PEX14: variants seen among roughly 807,000 people sequenced by gnomAD.
PEX14 encodes peroxisomal biogenesis factor 14, also known as peroxisomal membrane protein PEX14.
PEX14 carries 15 observed loss-of-function variants against 49.5 expected under a neutral mutation model. That is an observed-to-expected ratio of 0.30 (90% CI 0.20 to 0.47). The LOEUF (loss-of-function observed/expected upper bound fraction) is 0.47. PEX14 is among the 20% of genes least tolerant of loss of function. PEX14 has a pLI of 1.00. For synonymous variants in PEX14, 210 were observed against 212.7 expected, an observed-to-expected ratio of 0.99 and a Z score of 0.11; for missense variants, 398 against 494.8, an observed-to-expected ratio of 0.80 and a Z score of 1.86.
intron 5 of PEX14, among the ~76,000 whole-genome samples, chr1:10,620,321 AAAT>A (rs927177601): frequency 2.0e-5 from 3 of 150,348 alleles, no homozygotes; most frequent in Admixed American, 2.0e-4. Context: ...AAATAAAATA[AAAT>A]AAAATAAATA....
chr1:10,630,206 CCCCAGG>C lies in PEX14; in HGVS notation c.*225_*230del. ...CCGCCAGCCCCAGCCCCAGCCCCAG[CCCCAGG>C]CCCAGCTGCCTTTGGCTTTGATCTC... On this transcript the variant is annotated 3_prime_UTR_variant, in exon 9 of 9. Transcript: ENST00000356607. The surrounding 1 kb of genome is among the most constrained non-coding windows in gnomAD (Gnocchi z 4.1). 2.8e-6 allele frequency: 2 copies of C among 703,324 alleles called. No homozygotes were observed. The highest frequency in any genetic ancestry group is 2.9e-5 in the Admixed American group (1 of 34,000). 43.6% of individuals were successfully genotyped at this position (703,324 alleles called of 1,614,324 possible). A position where few individuals can be genotyped will look rare whatever the true frequency, so the allele number is the denominator to read the frequency against.
chr1:10,575,689 A>G (rs1239354943), intron 3 of PEX14, among the ~76,000 whole-genome samples: 1 of 152,214 alleles, frequency 6.6e-6, no homozygotes, highest in East Asian at 1.9e-4. Flanking sequence ...GTTTCTTGAG[A>G]TGAGCACTTA....
intron 3 of PEX14, among the ~76,000 whole-genome samples, chr1:10,582,699 A>G (rs1407354081): frequency 1.3e-5 from 2 of 152,138 alleles, no homozygotes; most frequent in Non-Finnish European, 2.9e-5. Context: ...TATTTAGTAC[A>G]GGGTGAATAT....
Position 10,563,004 on chromosome 1 carries a change from C to T in PEX14, c.169+26707C>T, listed in dbSNP as rs1398469483. ...TCGGCTCACTGCAACCTCCATCTCC[C>T]GGGTTCAAGCAATTCTCCTGCCTCA... On this transcript the variant is annotated intron_variant, in intron 3 of 8. Coordinates refer to ENST00000356607, the MANE Select transcript of PEX14 (RefSeq NM_004565.3). Among the ~76,000 whole-genome samples the T allele has an allele frequency of 6.6e-5, 10 of 150,924 alleles. No individual in the cohort carries two copies. The South Asian group carries it at 8.4e-4, about 13-fold the overall frequency.
At chr1:10,596,484 A>G in intron 3 of PEX14, among the ~76,000 whole-genome samples, 1 of 152,146 alleles carries the variant, frequency 6.6e-6, no homozygotes, top group East Asian at 1.9e-4. Flanking sequence ...GGTAGGGAGA[A>G]GAAAATGTAG....
At chr1:10,625,840 G>A (rs963181848) in intron 7 of PEX14, among the ~76,000 whole-genome samples, 1 of 152,230 alleles carries the variant, frequency 6.6e-6, no homozygotes, top group Admixed American at 6.5e-5. Context: ...GATGTGCTTG[G>A]TGGTGAGAGG....
Position 10,501,140 on chromosome 1 carries a change from TA to T in PEX14, c.84+5824del, listed in dbSNP as rs1032022191. Among the ~76,000 whole-genome samples the T allele has an allele frequency of 9.9e-5, 15 of 152,282 alleles. 1 individual carries two copies. Among genetic ancestry groups the T allele is most frequent in the African/African-American group, 3.4e-4 (14 of 41,564 alleles). On this transcript the variant is annotated intron_variant, in intron 2 of 8. Transcript: ENST00000356607. ...CTTTGAAGTATTAAACGTAATTATT[TA>T]AAAAGTCTGTAGTGGTTGATTTCTG...
intron 3 of PEX14, among the ~76,000 whole-genome samples, chr1:10,588,042 G>C (rs1419184021): frequency 6.6e-6 from 1 of 150,946 alleles, no homozygotes; most frequent in African/African-American, 2.5e-5. Flanking sequence ...GGCCAAGATA[G>C]TGAAACCCCA....
intron 7 of PEX14, 134 bp from the exon 8 acceptor site, chr1:10,627,138 G>A (rs1228950886): frequency 1.3e-6 from 1 of 746,808 alleles, no homozygotes; most frequent in African/African-American, 1.7e-5. Context: ...GGCAGTGGCA[G>A]AACCTTCCCC....
At chr1:10,487,093 T>C (rs1411848600) in intron 1 of PEX14, among the ~76,000 whole-genome samples, 1 of 152,220 alleles carries the variant, frequency 6.6e-6, no homozygotes, top group Non-Finnish European at 1.5e-5. Context: ...CTTTTATTAA[T>C]ATGGTGATTT....
At chr1:10,536,835 A>T (rs934555659) in intron 3 of PEX14, among the ~76,000 whole-genome samples, 5 of 152,214 alleles carry the variant, frequency 3.3e-5, no homozygotes, top group Non-Finnish European at 7.3e-5. Flanking sequence ...GACAAATTCA[A>T]TATTGTCTGA....
rs1435366715 is a variant in PEX14, at chr1:10,629,609, C to T, written c.756C>T (p.Ser252=). 3.1e-6 allele frequency: 5 copies of T among 1,614,102 alleles called. No individual in the cohort carries two copies. The South Asian group carries it at 3.3e-5, about 11-fold the overall frequency. ...QIPVKSPSPS[S]PAAVNHHSSS... Reference sequence around the variant, plus strand: ...CAGTCAAGTCACCGTCACCCTCCAGCCCTGCGGCCGTGAACCACCACAGCA... The same window carrying T: ...CAGTCAAGTCACCGTCACCCTCCAGTCCTGCGGCCGTGAACCACCACAGCA... Residue 252 remains serine, a synonymous_variant, in exon 9 of 9, where the codon AGC becomes AGT. Coordinates refer to ENST00000356607, the MANE Select transcript of PEX14 (RefSeq NM_004565.3). The surrounding 1 kb of genome is among the most constrained non-coding windows in gnomAD (Gnocchi z 8.5).
At chr1:10,530,030 A>G (rs1638600786) in intron 2 of PEX14, among the ~76,000 whole-genome samples, 1 of 152,196 alleles carries the variant, frequency 6.6e-6, no homozygotes. Context: ...CTACCTGAGT[A>G]CAACTCACTG....
At position 10,613,111 on chromosome 1, in the gene PEX14, G is replaced by A. The variant is rs1216075182; in HGVS notation, c.299-5221G>A. ...TTTACTGGATTGCAGGATTTCCATG[G>A]TGTGGATCGGTCTGTGACTTGCTCA... On this transcript the variant is annotated intron_variant, in intron 4 of 8. Coordinates refer to ENST00000356607, the MANE Select transcript of PEX14 (RefSeq NM_004565.3). This position sits in a 1 kb window ranked among gnomAD's most constrained non-coding sequence, Gnocchi z 5.0. Among the ~76,000 whole-genome samples the A allele has an allele frequency of 1.3e-5, 2 of 152,208 alleles. No individual in the cohort carries two copies.
At chr1:10,627,435 A>G in intron 8 of PEX14, 72 bp downstream of exon 8, 5 of 1,097,714 alleles carry the variant, frequency 4.6e-6, no homozygotes, top group African/African-American at 1.5e-5. Flanking sequence ...GGGGCATGGG[A>G]GGGGCATGAC....
At chr1:10,604,883 C>T (rs918828437) in intron 4 of PEX14, among the ~76,000 whole-genome samples, 1 of 152,076 alleles carries the variant, frequency 6.6e-6, no homozygotes, top group Admixed American at 6.5e-5. Flanking sequence ...GGTGGGGGGG[C>T]ATCAGCCGGA....
intron 3 of PEX14, among the ~76,000 whole-genome samples, chr1:10,543,528 C>T (rs986576688): frequency 4.6e-5 from 7 of 152,046 alleles, no homozygotes; most frequent in East Asian, 3.8e-4. Flanking sequence ...CAGGCAGAGA[C>T]GCATGTGCCA....
intron 3 of PEX14, among the ~76,000 whole-genome samples, chr1:10,558,818 C>T (rs1279504613): frequency 2.0e-5 from 3 of 151,800 alleles, no homozygotes; most frequent in South Asian, 2.1e-4. Context: ...TTTCCATCCA[C>T]GGATGTGGGG....
At chr1:10,610,411 A>G (rs528563767) in intron 4 of PEX14, among the ~76,000 whole-genome samples, 38 of 150,988 alleles carry the variant, frequency 2.5e-4, no homozygotes, top group South Asian at 1.0e-3. Flanking sequence ...ATATATATAC[A>G]CAGAGAGAGA....
Sources: allele counts gnomAD v4.1 joint callset (sites outside exome capture counted in the v4.1 genomes callset), GRCh38; gene constraint gnomAD v4.1.1; non-coding constraint Gnocchi (gnomAD v3.1); transcripts MANE v1.5; gene names NCBI Gene and HGNC (gene_info 2026-07-23, HGNC 2026-07-21).